Variants in RGS7 observed in about 807,000 individuals in gnomAD.
RGS7 encodes regulator of G protein signaling 7.
RGS7 carries 27 observed loss-of-function variants against 81.1 expected under a neutral mutation model. That is an observed-to-expected ratio of 0.33 (90% confidence interval 0.25 to 0.46). The LOEUF is 0.46. Among genes scored for constraint, RGS7 ranks in the 20% least tolerant of loss-of-function variants. RGS7 has a pLI of 1.00. For missense variants in RGS7, 396 were observed against 607.4 expected (o/e 0.65, Z 3.66); for synonymous variants, 208 against 207.7 (o/e 1.00, Z -0.01).
rs1158514403 is a variant in RGS7, at chr1:241,089,021, A to ATCTCTCTCTCTCTCTCTCTC, written c.175+9625_175+9644dup. Among the ~76,000 whole-genome samples the ATCTCTCTCTCTCTCTCTCTC allele has an allele frequency of 1.7e-3, 40 of 23,646 alleles. 6 individuals carry two copies. Among genetic ancestry groups the ATCTCTCTCTCTCTCTCTCTC allele is most frequent in the African/African-American group, 2.4e-3 (9 of 3,708 alleles). The allele number at this position is 23,646 out of a possible 152,430, so 15.5% of individuals were successfully genotyped here. A position where few individuals can be genotyped will look rare whatever the true frequency, so the allele number is the denominator to read the frequency against. On this transcript the variant is annotated intron_variant, in intron 3 of 18. Transcript: ENST00000440928. ...AGCCTGGGCCACAGAGCAAGACTCC[A>ATCTCTCTCTCTCTCTCTCTC]TCTCTCTCTCTCTCTCTCTCTCTCT...
At chr1:241,197,583 T>C (rs1242556814) in intron 2 of RGS7, among the ~76,000 whole-genome samples, 1 of 151,778 alleles carries the variant, frequency 6.6e-6, no homozygotes, top group Non-Finnish European at 1.5e-5. Context: ...TCAAAGTAGA[T>C]GGTATAGCAA....
At chr1:241,166,666 C>CA (rs1476665925) in intron 2 of RGS7, among the ~76,000 whole-genome samples, 1 of 152,186 alleles carries the variant, frequency 6.6e-6, no homozygotes, top group Non-Finnish European at 1.5e-5. Flanking sequence ...CAATAAACCA[C>CA]ATTTCCAAGC....
chr1:241,152,140 C>CA (rs112950850), intron 2 of RGS7, among the ~76,000 whole-genome samples: 15,092 of 108,304 alleles, frequency 0.14, 1,249 homozygotes, highest in East Asian at 0.34. Flanking sequence ...CATTAGCAGC[C>CA]AAAAAAAAAA....
chr1:241,231,729 T>G (rs557355357), intron 2 of RGS7, among the ~76,000 whole-genome samples: 1 of 152,366 alleles, frequency 6.6e-6, no homozygotes, highest in South Asian at 2.1e-4. Flanking sequence ...TCTGAATACA[T>G]GTCTTTATCA....
At chr1:240,843,129 C>A (rs145423750) in intron 9 of RGS7, among the ~76,000 whole-genome samples, 23 of 151,226 alleles carry the variant, frequency 1.5e-4, no homozygotes, top group Admixed American at 1.3e-3. Flanking sequence ...CATGCCGCTG[C>A]ACTCCAGCCT....
chr1:241,147,313 A>G (rs553220078), intron 2 of RGS7, among the ~76,000 whole-genome samples: 1 of 152,324 alleles, frequency 6.6e-6, no homozygotes, highest in Admixed American at 6.5e-5. Flanking sequence ...AGCCAGTGTG[A>G]TCATTCCTTA....
chr1:241,188,457 G>A (rs1422983442), intron 2 of RGS7, among the ~76,000 whole-genome samples: 1 of 152,074 alleles, frequency 6.6e-6, no homozygotes, highest in African/African-American at 2.4e-5. Flanking sequence ...AGAATAAAAA[G>A]AGAACCTTAA....
intron 3 of RGS7, among the ~76,000 whole-genome samples, chr1:241,031,683 T>G (rs1161048851): frequency 6.6e-6 from 1 of 152,220 alleles, no homozygotes; most frequent in Non-Finnish European, 1.5e-5. Context: ...TGGTGTAAGA[T>G]GATATCTTAT....
intron 3 of RGS7, among the ~76,000 whole-genome samples, chr1:241,036,096 T>A (rs1444695282): frequency 6.6e-6 from 1 of 152,140 alleles, no homozygotes. Flanking sequence ...AAGGAACAAA[T>A]AAAAAGATAA....
At chr1:240,985,782 G>C (rs906057695) in intron 3 of RGS7, among the ~76,000 whole-genome samples, 1 of 151,904 alleles carries the variant, frequency 6.6e-6, no homozygotes, top group Non-Finnish European at 1.5e-5. Flanking sequence ...TAGGTAGAGA[G>C]AGAAAGAGGA....
rs114893138 is a variant in RGS7 at position 241,328,806 on chromosome 1, C to T, written c.78+26893G>A. On this transcript the variant is annotated intron_variant, in intron 2 of 18. Coordinates refer to ENST00000440928, the MANE Select transcript of RGS7 (RefSeq NM_001364886.1). ...TGTCAGAAAATGCTATCTTATTATC[C>T]CTACCCCCAAATAAATCTACAGTGG... Among the ~76,000 whole-genome samples the T allele has an allele frequency of 6.8e-3, 1,032 of 152,232 alleles. 9 individuals are homozygous for T. Among genetic ancestry groups the T allele is most frequent in the Middle Eastern group, 0.01 (3 of 294 alleles).
intron 6 of RGS7, chr1:240,919,881 A>G (rs1395110262): frequency 1.0e-6 from 1 of 990,008 alleles, no homozygotes; most frequent in East Asian, 2.4e-5. Flanking sequence ...AAGGCCACAC[A>G]AGGTGGATGG....
chr1:241,044,819 C>A (rs907399547), intron 3 of RGS7, among the ~76,000 whole-genome samples: 3 of 152,286 alleles, frequency 2.0e-5, no homozygotes, highest in African/African-American at 7.2e-5. Context: ...TATCTATAAT[C>A]TTCTCCCTTA....
chr1:241,005,760 C>T (rs2058659524), intron 3 of RGS7, among the ~76,000 whole-genome samples: 1 of 152,176 alleles, frequency 6.6e-6, no homozygotes, highest in Admixed American at 6.5e-5. Context: ...TGGTCTCAAA[C>T]TCCTGACCTC....
chr1:241,083,550 A>G (rs1281923162), intron 3 of RGS7, among the ~76,000 whole-genome samples: 2 of 152,112 alleles, frequency 1.3e-5, no homozygotes, highest in Non-Finnish European at 2.9e-5. Context: ...CAGTTCTGTC[A>G]GAGAGGATGT....
At chr1:241,061,957 C>A (rs763949893) in intron 3 of RGS7, among the ~76,000 whole-genome samples, 1 of 152,198 alleles carries the variant, frequency 6.6e-6, no homozygotes, top group Admixed American at 6.5e-5. Flanking sequence ...TCAAGAATCA[C>A]AACATATTTA....
At chr1:241,071,942 T>C (rs1445236406) in intron 3 of RGS7, among the ~76,000 whole-genome samples, 2 of 150,528 alleles carry the variant, frequency 1.3e-5, no homozygotes, top group Non-Finnish European at 2.9e-5. Flanking sequence ...TAGTTGTTAA[T>C]TAGAATTTTA....
intron 2 of RGS7, among the ~76,000 whole-genome samples, chr1:241,331,002 C>T (rs2081947537): frequency 6.6e-6 from 1 of 152,260 alleles, no homozygotes; most frequent in South Asian, 2.1e-4. Flanking sequence ...CTCTATTTAG[C>T]TTGACTTTTC....
intron 3 of RGS7, among the ~76,000 whole-genome samples, chr1:241,074,649 C>T (rs1033643535): frequency 2.6e-5 from 4 of 152,222 alleles, no homozygotes; most frequent in Non-Finnish European, 2.9e-5. Context: ...AGCGAAAGTA[C>T]TGGCCACAAG....
Sources: gnomAD v4.1 joint callset for allele counts (sites outside exome capture counted in the v4.1 genomes callset) on GRCh38, gnomAD v4.1.1 for gene constraint, MANE v1.5 for transcripts, NCBI Gene and HGNC (gene_info 2026-07-23, HGNC 2026-07-21) for gene names.